Variants in PRKD2 observed in about 807,000 individuals in gnomAD.
PRKD2 encodes protein kinase D2.
Under a neutral mutation model 86.0 loss-of-function variants are expected in PRKD2, and 22 were observed. The ratio of observed to expected loss-of-function variants is 0.26; its 90% CI spans 0.18 to 0.37. PRKD2 has a LOEUF of 0.37. Ranked by LOEUF, PRKD2 falls within the 10% of genes least tolerant of loss-of-function variation. The probability of loss-of-function intolerance (pLI) is 1.00; values close to 1 mark genes in which losing one functional copy is unlikely to be tolerated. For missense variants in PRKD2, 818 were observed against 1,199.2 expected (o/e 0.68, Z 4.70); for synonymous variants, 509 against 510.9 (o/e 1.00, Z 0.05).
Position 46,703,958 on chromosome 19 carries a change from A to AACACACACACACACACACACACAC in PRKD2, c.889+187_889+210dup, listed in dbSNP as rs10528388. Reference sequence around the variant, plus strand: ...CACCCTGTCTCCAAAAAACAACAACAACACACACACACACACACACACACA... The same window carrying AACACACACACACACACACACACAC: ...CACCCTGTCTCCAAAAAACAACAACAACACACACACACACACACACACACACACACACACACACACACACACACA... On this transcript the variant is annotated intron_variant, in intron 5 of 17. Transcript: ENST00000291281. Among the ~76,000 whole-genome samples, 293 of 133,726 alleles carry AACACACACACACACACACACACAC rather than the reference A, an allele frequency of 2.2e-3. 1 individual carries two copies. Among genetic ancestry groups the AACACACACACACACACACACACAC allele is most frequent in the Admixed American group, 2.6e-3 (34 of 13,174 alleles). 87.7% of individuals were successfully genotyped at this position (133,726 alleles called of 152,430 possible).
At chr19:46,711,137 G>A in intron 2 of PRKD2, 99 bp from the exon 3 acceptor site, 9 of 1,438,986 alleles carry the variant, frequency 6.3e-6, no homozygotes, top group Non-Finnish European at 8.4e-6. Context: ...CCAGCCGCAA[G>A]GTGTGATCTT....
intron 5 of PRKD2, 118 bp downstream of exon 5, chr19:46,704,051 C>T: frequency 6.9e-7 from 1 of 1,447,672 alleles, no homozygotes; most frequent in Non-Finnish European, 9.3e-7. Context: ...ATTCAGGGCC[C>T]TCCCCTTCTG....
intron 3 of PRKD2, among the ~76,000 whole-genome samples, chr19:46,707,092 C>G (rs1249257154): frequency 6.6e-6 from 1 of 151,552 alleles, no homozygotes; most frequent in African/African-American, 2.4e-5. Context: ...CAGGGTTTCA[C>G]CATGTTGGCC....
chr19:46,699,757 GCTGA>G (rs750693867), intron 7 of PRKD2, among the ~76,000 whole-genome samples: 14 of 152,200 alleles, frequency 9.2e-5, no homozygotes, highest in South Asian at 6.2e-4. Context: ...TTCCAGTGGA[GCTGA>G]CTAAGTATGA....
At chr19:46,710,278 G>A (rs966482884) in intron 3 of PRKD2, 2 of 151,480 alleles carry the variant, frequency 1.3e-5, no homozygotes, top group African/African-American at 2.4e-5. Context: ...CTACAGTGTC[G>A]AGCTCCCAGG....
chr19:46,678,664 C>A lies in PRKD2; in HGVS notation c.2071-1G>T. The A allele has an allele frequency of 3.1e-6, 5 of 1,601,852 alleles. No homozygotes were observed. Among genetic ancestry groups the A allele is most frequent in the Non-Finnish European group, 4.2e-6 (5 of 1,178,916 alleles). The stretch of plus-strand genomic sequence containing the variant: ...CAAAGCCAAAGTCACACAGCTTCAC[C>A]TGCAGAGGGCAAGGGATGGAGGCTC... On this transcript the variant is annotated splice_acceptor_variant, in intron 15 of 17. Coordinates refer to ENST00000291281, the MANE Select transcript of PRKD2 (RefSeq NM_016457.5). LOFTEE classifies it high-confidence loss of function. This position sits in a 1 kb window ranked among gnomAD's most constrained non-coding sequence, Gnocchi z 5.7.
chr19:46,708,386 C>T (rs377724026), intron 3 of PRKD2, among the ~76,000 whole-genome samples: 6 of 142,542 alleles, frequency 4.2e-5, no homozygotes, highest in South Asian at 4.6e-4. Flanking sequence ...GGCATGATCA[C>T]GGCTCACCGC....
At chr19:46,698,134 C>T (rs1026033654) in intron 7 of PRKD2, among the ~76,000 whole-genome samples, 1 of 151,924 alleles carries the variant, frequency 6.6e-6, no homozygotes, top group African/African-American at 2.4e-5. Context: ...CCTGAGTGGC[C>T]GGGACAATCA....
chr19:46,714,030 G>A (rs200751270), intron 1 of PRKD2, 29 bp from the exon 2 acceptor site: 6 of 1,608,968 alleles, frequency 3.7e-6, no homozygotes, highest in Non-Finnish European at 4.2e-6. Context: ...ATGTGGCGAC[G>A]GAAAAGCTCA....
In PRKD2 at chr19:46,678,606, A is replaced by G; in HGVS notation, c.2128T>C (p.Ser710Pro). ...AGGTAGGCCGGCGTGCCCACCACTG[A>G]GCGGCGGAACGACTTCTCGCCGATG... Reference protein sequence around the residue: ...RIIGEKSFRRSVVGTPAYLAP... With the variant: ...RIIGEKSFRRPVVGTPAYLAP... Residue 710 changes from serine to proline, a missense_variant, in exon 16 of 18, where the codon TCA becomes CCA. Transcript: ENST00000291281. This position sits in a 1 kb window ranked among gnomAD's most constrained non-coding sequence, Gnocchi z 5.7. The G allele has an allele frequency of 6.2e-7, 1 of 1,612,860 alleles. No homozygotes were observed.
chr19:46,704,667 G>C lies in PRKD2; in HGVS notation c.512-18C>G, dbSNP rs749911402. The C allele has an allele frequency of 6.3e-7, 1 of 1,584,040 alleles. No individual in the cohort carries two copies. The highest frequency in any genetic ancestry group is 8.6e-7 in the Non-Finnish European group (1 of 1,164,426). ...CCCGCAGCCTGCAGGGGGCGCCAGA[G>C]AGTAAGAGACATGGCGTCTGCCCCT... is the stretch of plus-strand genomic sequence containing the variant. On this transcript the variant is annotated intron_variant, in intron 3 of 17. Transcript: ENST00000291281.
At chr19:46,675,558 C>T (rs1433816482) in intron 16 of PRKD2, among the ~76,000 whole-genome samples, 1 of 152,122 alleles carries the variant, frequency 6.6e-6, no homozygotes, top group African/African-American at 2.4e-5. Flanking sequence ...ATTCTCCTGC[C>T]TCAGCCTCCC....
At chr19:46,707,134 C>T (rs1045516462) in intron 3 of PRKD2, among the ~76,000 whole-genome samples, 4 of 151,996 alleles carry the variant, frequency 2.6e-5, no homozygotes, top group Non-Finnish European at 4.4e-5. Context: ...CCTCATGATC[C>T]GCCCGCCTTG....
At chr19:46,705,438 T>G (rs1462098523) in intron 3 of PRKD2, among the ~76,000 whole-genome samples, 1 of 149,852 alleles carries the variant, frequency 6.7e-6, no homozygotes, top group Non-Finnish European at 1.5e-5. Flanking sequence ...TGTACCCCAC[T>G]TTCTCTTTTC....
intron 2 of PRKD2, among the ~76,000 whole-genome samples, chr19:46,711,592 C>T (rs1382734572): frequency 6.6e-6 from 1 of 152,004 alleles, no homozygotes; most frequent in East Asian, 1.9e-4. Context: ...GGAGTTTCAC[C>T]ATGTTGGCCA....
chr19:46,716,268 G>A lies in PRKD2; in HGVS notation c.103C>T (p.Leu35=), dbSNP rs1320805316. The part of the protein sequence containing the change: ...GLELQSPPPL[L]PQIPAPGSGV... ...GAACCCGGGGCCGGGATCTGGGGCA[G>A]TAGCGGTGGCGGCGACTGCAGCTCT... Residue 35 remains leucine, a synonymous_variant, in exon 1 of 18, where the codon CTG becomes TTG. Coordinates refer to ENST00000291281, the MANE Select transcript of PRKD2 (RefSeq NM_016457.5). The surrounding 1 kb of genome is among the most constrained non-coding windows in gnomAD (Gnocchi z 7.9). The A allele has an allele frequency of 1.9e-6, 3 of 1,591,452 alleles. No homozygotes were observed. Among genetic ancestry groups the A allele is most frequent in the African/African-American group, 1.4e-5 (1 of 72,940 alleles).
chr19:46,674,357 A>T lies in PRKD2; in HGVS notation c.*166T>A. The T allele has an allele frequency of 1.4e-6, 1 of 697,258 alleles. No homozygotes were observed. Among genetic ancestry groups the T allele is most frequent in the Non-Finnish European group, 2.3e-6 (1 of 428,378 alleles). The allele number at this position is 697,258 out of a possible 1,614,324, so 43.2% of individuals were successfully genotyped here. A position where few individuals can be genotyped will look rare whatever the true frequency, so the allele number is the denominator to read the frequency against. Reference sequence around the variant, plus strand: ...ATGGGGCCAGAGATGAGTCCGTTTTAATTGCTGGGGAAACAGGGAGGGGCC... The same window carrying T: ...ATGGGGCCAGAGATGAGTCCGTTTTTATTGCTGGGGAAACAGGGAGGGGCC... On this transcript the variant is annotated 3_prime_UTR_variant, in exon 18 of 18. Transcript: ENST00000291281.
Position 46,678,747 on chromosome 19 carries a change from A to G in PRKD2, c.2071-84T>C, listed in dbSNP as rs2122556004. On this transcript the variant is annotated intron_variant, in intron 15 of 17. Transcript: ENST00000291281. The surrounding 1 kb of genome is among the most constrained non-coding windows in gnomAD (Gnocchi z 5.7). ...TCCCCACCACACCACCCTCCATGGTATTCCAGAGAAAGCTGGATGCTGGTT... is the reference window on the plus strand; with the variant it reads ...TCCCCACCACACCACCCTCCATGGTGTTCCAGAGAAAGCTGGATGCTGGTT... 2 of 1,454,232 alleles carry G rather than the reference A, an allele frequency of 1.4e-6. No homozygotes were observed. The highest frequency in any genetic ancestry group is 2.6e-5 in the South Asian group (2 of 76,434). 90.1% of individuals were successfully genotyped at this position (1,454,232 alleles called of 1,614,324 possible). A position where few individuals can be genotyped will look rare whatever the true frequency, so the allele number is the denominator to read the frequency against.
rs1427103439 is a variant in PRKD2, at chr19:46,700,811, C to T, written c.1109G>A (p.Gly370Asp). 6.2e-7 allele frequency: 1 copy of T among 1,614,096 alleles called. No individual in the cohort carries two copies. Among genetic ancestry groups the T allele is most frequent in the Middle Eastern group, 1.7e-4 (1 of 6,060 alleles). ...GTTCTGTGTATACCTCTGGGCCTTGCCTCCCTCGCCTTCCTCCTCCTCACT... is the reference window on the plus strand; with the variant it reads ...GTTCTGTGTATACCTCTGGGCCTTGTCTCCCTCGCCTTCCTCCTCCTCACT... ...HASEEEEGEG[G>D]KAQSSLGYIP... The change falls in exon 7 of 18, where the codon GGC becomes GAC. Residue 370 changes from glycine to aspartate, a missense_variant. Physicochemically the swap from Gly to Asp is moderately conservative, Grantham distance 94. Coordinates refer to ENST00000291281, the MANE Select transcript of PRKD2 (RefSeq NM_016457.5).
Sources: allele counts gnomAD v4.1 joint callset (sites outside exome capture counted in the v4.1 genomes callset), GRCh38; gene constraint gnomAD v4.1.1; non-coding constraint Gnocchi (gnomAD v3.1); transcripts MANE v1.5; gene names NCBI Gene and HGNC (gene_info 2026-07-23, HGNC 2026-07-21).